The following SLC35F3 variants were observed in gnomAD, a reference collection of about 807,000 sequenced individuals.
SLC35F3 encodes putative thiamine transporter SLC35F3.
A neutral mutation model predicts 49.9 loss-of-function variants in SLC35F3; 25 were observed. That is an observed-to-expected ratio of 0.50 (90% confidence interval 0.37 to 0.70). The LOEUF (loss-of-function observed/expected upper bound fraction) is 0.70, where lower values mean the gene tolerates loss of function less well. Ranked by LOEUF, SLC35F3 falls within the 30% of genes least tolerant of loss-of-function variation. The pLI is 0.00. For missense variants in SLC35F3, 525 were observed against 639.8 expected (o/e 0.82, Z 1.94); for synonymous variants, 275 against 265.4 (o/e 1.04, Z -0.35).
intron 2 of SLC35F3, among the ~76,000 whole-genome samples, chr1:233,994,224 C>A (rs1209069830): frequency 6.6e-6 from 1 of 152,142 alleles, no homozygotes; most frequent in African/African-American, 2.4e-5. Flanking sequence ...TGAGCCCTTA[C>A]TATGGACTAG....
intron 2 of SLC35F3, among the ~76,000 whole-genome samples, chr1:234,119,225 G>A (rs1323935260): frequency 1.3e-5 from 2 of 151,920 alleles, no homozygotes; most frequent in Non-Finnish European, 2.9e-5. Context: ...ACACACAAAT[G>A]CTTTGCTGCC....
chr1:233,961,189 A>AT (rs1662794809), intron 2 of SLC35F3, among the ~76,000 whole-genome samples: 1 of 151,830 alleles, frequency 6.6e-6, no homozygotes, highest in Non-Finnish European at 1.5e-5. Flanking sequence ...TATAGATATA[A>AT]CCTACGAGTA....
intron 2 of SLC35F3, among the ~76,000 whole-genome samples, chr1:234,152,215 ATTATTATTATTG>A (rs1424174830): frequency 4.2e-5 from 6 of 141,696 alleles, no homozygotes; most frequent in African/African-American, 1.7e-4. Context: ...GAGTAACATT[ATTATTATTATTG>A]TTATTATTAT....
intron 2 of SLC35F3, among the ~76,000 whole-genome samples, chr1:234,181,823 T>C (rs1165172485): frequency 6.6e-6 from 1 of 152,244 alleles, no homozygotes; most frequent in East Asian, 1.9e-4. Flanking sequence ...ATAATTCACA[T>C]GTGGTTCTGT....
intron 2 of SLC35F3, among the ~76,000 whole-genome samples, chr1:234,029,520 G>C (rs926432269): frequency 6.6e-6 from 1 of 152,128 alleles, no homozygotes; most frequent in Non-Finnish European, 1.5e-5. Context: ...CATGATACTG[G>C]CCTTCCAGAA....
intron 2 of SLC35F3, among the ~76,000 whole-genome samples, chr1:233,939,103 T>C (rs1662381184): frequency 6.6e-6 from 1 of 152,186 alleles, no homozygotes; most frequent in Admixed American, 6.5e-5. Flanking sequence ...CTTAGAACAC[T>C]AACTTAAATA....
At chr1:234,043,207 T>C (rs942002363) in intron 2 of SLC35F3, among the ~76,000 whole-genome samples, 1 of 152,214 alleles carries the variant, frequency 6.6e-6, no homozygotes, top group Non-Finnish European at 1.5e-5. Flanking sequence ...TTGATGTTCA[T>C]CTTTCCTAGG....
At chr1:234,251,390 T>A (rs146016741) in intron 3 of SLC35F3, among the ~76,000 whole-genome samples, 209 of 147,424 alleles carry the variant, frequency 1.4e-3, no homozygotes, top group African/African-American at 5.0e-3. Context: ...TTTCGCCCGA[T>A]AGGGTAATGA....
chr1:234,083,918 A>G (rs1572045669), intron 2 of SLC35F3, among the ~76,000 whole-genome samples: 1 of 149,308 alleles, frequency 6.7e-6, no homozygotes. Context: ...GCTCACCACA[A>G]CCTCCGCCTC....
chr1:234,034,415 T>C (rs1393055712), intron 2 of SLC35F3, among the ~76,000 whole-genome samples: 2 of 152,236 alleles, frequency 1.3e-5, no homozygotes, highest in Non-Finnish European at 2.9e-5. Flanking sequence ...ATCCTTGTCT[T>C]GTTCCAGGTC....
chr1:234,230,473 A>G (rs572425824), intron 2 of SLC35F3, among the ~76,000 whole-genome samples: 82 of 152,384 alleles, frequency 5.4e-4, no homozygotes, highest in African/African-American at 1.9e-3. Context: ...ACATCATTAT[A>G]AAAGGCAAGT....
chr1:233,952,202 T>A (rs1662619412), intron 2 of SLC35F3, among the ~76,000 whole-genome samples: 1 of 152,224 alleles, frequency 6.6e-6, no homozygotes, highest in South Asian at 2.1e-4. Flanking sequence ...ATGTTCCTAC[T>A]TCATTATGCT....
chr1:233,921,085 C>G (rs1368230402), intron 2 of SLC35F3, among the ~76,000 whole-genome samples: 1 of 152,228 alleles, frequency 6.6e-6, no homozygotes, highest in Non-Finnish European at 1.5e-5. Context: ...AGCAATATAT[C>G]ACTATTAGAA....
intron 2 of SLC35F3, among the ~76,000 whole-genome samples, chr1:234,153,434 C>T (rs1282813563): frequency 6.6e-6 from 1 of 152,112 alleles, no homozygotes; most frequent in Non-Finnish European, 1.5e-5. Context: ...CATAGCGAGA[C>T]TCTCATCTCT....
rs543024589 is a variant in SLC35F3, at chr1:234,066,479, A to G, written c.283+160721A>G. Among the ~76,000 whole-genome samples, 14 of 152,232 alleles carry G rather than the reference A, an allele frequency of 9.2e-5. No individual in the cohort carries two copies. In the South Asian group the frequency reaches 2.7e-3, roughly 29 times the overall value. ...AACTCCAGGCTGCAGCGGTGAGTCC[A>G]GGTTTCCTCATGGTTTTTAAGCAAT... is the stretch of plus-strand genomic sequence containing the variant. On this transcript the variant is annotated intron_variant, in intron 2 of 7. Coordinates refer to ENST00000366618, the MANE Select transcript of SLC35F3 (RefSeq NM_173508.4).
intron 3 of SLC35F3, among the ~76,000 whole-genome samples, chr1:234,270,205 T>C (rs1015158655): frequency 5.3e-5 from 8 of 152,208 alleles, no homozygotes; most frequent in Non-Finnish European, 1.0e-4. Context: ...GATTTTGTTT[T>C]CGTTCATTTT....
At chr1:233,910,164 G>T (rs1661851015) in intron 2 of SLC35F3, among the ~76,000 whole-genome samples, 1 of 152,152 alleles carries the variant, frequency 6.6e-6, no homozygotes, top group African/African-American at 2.4e-5. Context: ...CCTACCTTTT[G>T]CCCCAGTAGA....
At chr1:234,277,304 C>T (rs1668228261) in intron 3 of SLC35F3, among the ~76,000 whole-genome samples, 1 of 152,166 alleles carries the variant, frequency 6.6e-6, no homozygotes, top group Non-Finnish European at 1.5e-5. Flanking sequence ...GAGGGAGAGA[C>T]AGGATGGTGT....
chr1:234,085,194 T>A (rs1664942418), intron 2 of SLC35F3, among the ~76,000 whole-genome samples: 1 of 152,232 alleles, frequency 6.6e-6, no homozygotes, highest in South Asian at 2.1e-4. Flanking sequence ...TTTGTGCTTA[T>A]ACTGAAGGTA....
Sources: gnomAD v4.1 joint callset for allele counts (sites outside exome capture counted in the v4.1 genomes callset) on GRCh38, gnomAD v4.1.1 for gene constraint, MANE v1.5 for transcripts, NCBI Gene and HGNC (gene_info 2026-07-23, HGNC 2026-07-21) for gene names.